The following CRYL1 variants were observed in gnomAD, a reference collection of about 807,000 sequenced individuals.
The protein encoded by CRYL1 is crystallin lambda 1, also known as lambda-crystallin homolog.
Under a neutral mutation model 36.6 loss-of-function variants are expected in CRYL1, and 29 were observed. That is an observed-to-expected ratio of 0.79 (90% confidence interval 0.59 to 1.08). The LOEUF (loss-of-function observed/expected upper bound fraction) is 1.08, where lower values mean the gene tolerates loss of function less well. Among genes scored for constraint, CRYL1 ranks in the 50% least tolerant of loss-of-function variants. The probability of loss-of-function intolerance (pLI) is 0.00; values close to 1 mark genes in which losing one functional copy is unlikely to be tolerated. For synonymous variants in CRYL1, 152 were observed against 151.5 expected, an observed-to-expected ratio of 1.00 and a Z score of -0.02; for missense variants, 411 against 407.9, an observed-to-expected ratio of 1.01 and a Z score of -0.06.
intron 3 of CRYL1, among the ~76,000 whole-genome samples, chr13:20,444,103 G>T (rs1475882717): frequency 1.3e-5 from 2 of 152,090 alleles, no homozygotes; most frequent in Non-Finnish European, 2.9e-5. Flanking sequence ...TTTTTAGGAG[G>T]TGGACACCAT....
At chr13:20,426,931 C>T (rs7989813) in intron 5 of CRYL1, 709,775 of 985,310 alleles carry the variant, frequency 0.72, 258,084 homozygotes, top group South Asian at 0.78. Context: ...GACATCATTC[C>T]GAAGGACAGG....
rs1027794700 is a variant in CRYL1 at position 20,438,345 on chromosome 13, G to A, written c.438+1248C>T. Among the ~76,000 whole-genome samples, 5 of 152,100 alleles carry A rather than the reference G, an allele frequency of 3.3e-5. No individual in the cohort carries two copies. In the East Asian group the frequency reaches 9.6e-4, roughly 29 times the overall value. ...CACTCATGCTTGGACTACTGCCCAA[G>A]TCCTGTGACATCATTGCTCCCCTCT... On this transcript the variant is annotated intron_variant, in intron 4 of 7. Coordinates refer to ENST00000298248, the MANE Select transcript of CRYL1 (RefSeq NM_015974.3).
At chr13:20,434,732 G>A (rs542419370) in intron 4 of CRYL1, among the ~76,000 whole-genome samples, 14 of 150,988 alleles carry the variant, frequency 9.3e-5, no homozygotes, top group African/African-American at 3.2e-4. Flanking sequence ...CTTTGGGTCC[G>A]TGCTATCCTT....
chr13:20,478,951 A>G (rs2137457678), intron 3 of CRYL1, among the ~76,000 whole-genome samples: 1 of 149,632 alleles, frequency 6.7e-6, no homozygotes, highest in Non-Finnish European at 1.5e-5. Flanking sequence ...TTTAGTAGAG[A>G]CGGGGTTTCA....
intron 3 of CRYL1, among the ~76,000 whole-genome samples, chr13:20,483,800 C>G (rs560295993): frequency 1.3e-5 from 2 of 151,988 alleles, no homozygotes; most frequent in Admixed American, 1.3e-4. Context: ...TGTGGCCTCC[C>G]CATGTTCTGG....
intron 1 of CRYL1, among the ~76,000 whole-genome samples, chr13:20,522,147 C>T (rs1324863983): frequency 6.6e-6 from 1 of 152,068 alleles, no homozygotes; most frequent in Non-Finnish European, 1.5e-5. Flanking sequence ...GCCAGGAGTT[C>T]GAGACCAGCC....
intron 2 of CRYL1, among the ~76,000 whole-genome samples, chr13:20,503,270 G>A (rs148281114): frequency 1.4e-3 from 220 of 152,336 alleles, no homozygotes; most frequent in African/African-American, 5.0e-3. Context: ...TGAACAACCC[G>A]GCTGAACCCG....
Position 20,525,741 on chromosome 13 carries a change from C to T in CRYL1, c.41+13G>A, listed in dbSNP as rs1405349235. 1 of 1,346,506 alleles carries T rather than the reference C, an allele frequency of 7.4e-7. No individual in the cohort carries two copies. Among genetic ancestry groups the T allele is most frequent in the African/African-American group, 1.5e-5 (1 of 66,304 alleles). 83.4% of individuals were successfully genotyped at this position (1,346,506 alleles called of 1,614,324 possible). A position where few individuals can be genotyped will look rare whatever the true frequency, so the allele number is the denominator to read the frequency against. ...GGGCTCCAGGGGCAGCAGCGCGGCTCGGAGCCCTTTACCTGCCAACGATCA... is the reference window on the plus strand; with the variant it reads ...GGGCTCCAGGGGCAGCAGCGCGGCTTGGAGCCCTTTACCTGCCAACGATCA... On this transcript the variant is annotated intron_variant, in intron 1 of 7. Transcript: ENST00000298248. The surrounding 1 kb of genome is among the most constrained non-coding windows in gnomAD (Gnocchi z 4.3).
chr13:20,504,036 G>C (rs1048482089), intron 2 of CRYL1, among the ~76,000 whole-genome samples: 1 of 152,134 alleles, frequency 6.6e-6, no homozygotes, highest in East Asian at 1.9e-4. Flanking sequence ...AGATCGAAGC[G>C]TACAGGCCCC....
chr13:20,429,727 C>T (rs990499333), intron 5 of CRYL1, among the ~76,000 whole-genome samples: 3 of 152,244 alleles, frequency 2.0e-5, no homozygotes, highest in South Asian at 2.1e-4. Flanking sequence ...TGCATGTCAG[C>T]GGCTACTTCA....
intron 5 of CRYL1, among the ~76,000 whole-genome samples, chr13:20,422,067 TC>T (rs1188896458): frequency 6.6e-6 from 1 of 151,688 alleles, no homozygotes; most frequent in Non-Finnish European, 1.5e-5. Context: ...AGAAAAAAAA[TC>T]CTAATTAAGG....
At position 20,425,153 on chromosome 13, in the gene CRYL1, A is replaced by ACGC; in HGVS notation, c.633+6946_633+6948dup. ...AGCAAACCACAGCAATTCACTTCCA[A>ACGC]CGCCGTCCTTCCCCAGAAAAGCTGC... On this transcript the variant is annotated intron_variant, in intron 5 of 7. Coordinates refer to ENST00000298248, the MANE Select transcript of CRYL1 (RefSeq NM_015974.3). This position sits in a 1 kb window ranked among gnomAD's most constrained non-coding sequence, Gnocchi z 4.4. Among the ~76,000 whole-genome samples, 1 of 152,172 alleles carries ACGC rather than the reference A, an allele frequency of 6.6e-6. No homozygotes were observed. Among genetic ancestry groups the ACGC allele is most frequent in the African/African-American group, 2.4e-5 (1 of 41,522 alleles).
At chr13:20,460,024 G>A (rs2032775013) in intron 3 of CRYL1, among the ~76,000 whole-genome samples, 2 of 151,996 alleles carry the variant, frequency 1.3e-5, no homozygotes, top group East Asian at 1.9e-4. Flanking sequence ...CAAATGATTT[G>A]GAATTTTTTT....
intron 5 of CRYL1, chr13:20,426,563 G>A (rs903935240): frequency 1.2e-4 from 44 of 352,328 alleles, no homozygotes; most frequent in Non-Finnish European, 1.5e-4. Context: ...GTGAGCTTGC[G>A]GTCAGAGAGA....
intron 4 of CRYL1, among the ~76,000 whole-genome samples, chr13:20,433,595 C>T (rs1019972200): frequency 6.6e-6 from 1 of 152,206 alleles, no homozygotes; most frequent in Non-Finnish European, 1.5e-5. Context: ...TAAATCGATG[C>T]CTCGGTTAAA....
intron 2 of CRYL1, among the ~76,000 whole-genome samples, chr13:20,503,344 G>C (rs2033737306): frequency 6.7e-6 from 1 of 148,762 alleles, no homozygotes; most frequent in Admixed American, 6.7e-5. Context: ...GGCTCAGCTG[G>C]GCTCACTCAT....
intron 3 of CRYL1, among the ~76,000 whole-genome samples, chr13:20,474,863 A>G (rs2033133435): frequency 6.6e-6 from 1 of 152,106 alleles, no homozygotes; most frequent in Admixed American, 6.5e-5. Flanking sequence ...ATTTGGCCTT[A>G]ACAATCTTGA....
At position 20,404,124 on chromosome 13, in the gene CRYL1, G is replaced by T. The variant is rs746157222; in HGVS notation, c.*5C>A. 19 of 1,605,946 alleles carry T rather than the reference G, an allele frequency of 1.2e-5. No homozygotes were observed. The highest frequency in any genetic ancestry group is 1.5e-5 in the Non-Finnish European group (18 of 1,172,834). The stretch of plus-strand genomic sequence containing the variant: ...GAGAGGAGTGGAAGCTGCATTACAA[G>T]AAATTCACTGGGGCTGCACTTGACT... On this transcript the variant is annotated 3_prime_UTR_variant, in exon 8 of 8. Coordinates refer to ENST00000298248, the MANE Select transcript of CRYL1 (RefSeq NM_015974.3).
chr13:20,436,286 C>T (rs974545875), intron 4 of CRYL1, among the ~76,000 whole-genome samples: 1 of 152,154 alleles, frequency 6.6e-6, no homozygotes, highest in African/African-American at 2.4e-5. Flanking sequence ...CATCGCCTTC[C>T]CAGACTGAAC....
Sources: allele counts gnomAD v4.1 joint callset (sites outside exome capture counted in the v4.1 genomes callset), GRCh38; gene constraint gnomAD v4.1.1; non-coding constraint Gnocchi (gnomAD v3.1); transcripts MANE v1.5; gene names NCBI Gene and HGNC (gene_info 2026-07-23, HGNC 2026-07-21).